The following MYO3B variants were observed in gnomAD, a reference collection of about 807,000 sequenced individuals.
The protein encoded by MYO3B is myosin IIIB.
Under a neutral mutation model 174.6 loss-of-function variants are expected in MYO3B, and 156 were observed. The ratio of observed to expected loss-of-function variants is 0.89; its 90% CI spans 0.78 to 1.02. The LOEUF (loss-of-function observed/expected upper bound fraction) is 1.02. MYO3B is among the 50% of genes least tolerant of loss of function. MYO3B has a pLI of 0.00. For missense variants in MYO3B, 1,632 were observed against 1,639.4 expected (o/e 1.00, Z 0.08); for synonymous variants, 563 against 569.1 (o/e 0.99, Z 0.15).
At chr2:170,635,992 G>A (rs899389438) in intron 32 of MYO3B, among the ~76,000 whole-genome samples, 2 of 152,174 alleles carry the variant, frequency 1.3e-5, no homozygotes, top group African/African-American at 4.8e-5. Context: ...TGATCAGCTT[G>A]AACACAGGTT....
At chr2:170,423,122 C>T (rs2094631066) in intron 22 of MYO3B, among the ~76,000 whole-genome samples, 1 of 151,806 alleles carries the variant, frequency 6.6e-6, no homozygotes, top group East Asian at 2.0e-4. Context: ...GCTGAGATTA[C>T]AGGTGCCCAC....
chr2:170,181,943 TC>T (rs1191420174), intron 1 of MYO3B, among the ~76,000 whole-genome samples: 33 of 152,130 alleles, frequency 2.2e-4, no homozygotes, highest in African/African-American at 7.2e-4. Flanking sequence ...ACAAATGGTA[TC>T]TCATTAGTTT....
chr2:170,559,254 A>T (rs1691552031), intron 32 of MYO3B, among the ~76,000 whole-genome samples: 1 of 152,220 alleles, frequency 6.6e-6, no homozygotes, highest in African/African-American at 2.4e-5. Flanking sequence ...TTAAGGGCTC[A>T]TTGGATGGCC....
At chr2:170,335,293 G>C (rs866735947) in intron 7 of MYO3B, 92 bp from the exon 8 acceptor site, 2 of 935,302 alleles carry the variant, frequency 2.1e-6, no homozygotes, top group Non-Finnish European at 3.3e-6. Context: ...TTTTATTAGA[G>C]CTATTTAGAA....
intron 25 of MYO3B, among the ~76,000 whole-genome samples, chr2:170,495,809 C>T (rs1379869926): frequency 6.6e-6 from 1 of 152,204 alleles, no homozygotes; most frequent in Non-Finnish European, 1.5e-5. Context: ...ATAGGAAATC[C>T]TGATTTTACC....
chr2:170,318,724 T>C (rs1196627686), intron 7 of MYO3B, among the ~76,000 whole-genome samples: 2 of 152,190 alleles, frequency 1.3e-5, no homozygotes, highest in Non-Finnish European at 2.9e-5. Context: ...GCTGTGGTGC[T>C]GTAATTCTGA....
intron 23 of MYO3B, among the ~76,000 whole-genome samples, chr2:170,459,870 A>G (rs1210063185): frequency 4.6e-5 from 7 of 152,088 alleles, no homozygotes; most frequent in Non-Finnish European, 1.0e-4. Flanking sequence ...TGGCCCAGAT[A>G]CTAAGCCCCT....
At chr2:170,362,453 G>T (rs1280108276) in intron 8 of MYO3B, among the ~76,000 whole-genome samples, 1 of 152,190 alleles carries the variant, frequency 6.6e-6, no homozygotes, top group Non-Finnish European at 1.5e-5. Flanking sequence ...GATGGCAGCT[G>T]CCCTGTCGTC....
chr2:170,178,688 CCAAAT>C (rs1019616783), intron 1 of MYO3B, among the ~76,000 whole-genome samples: 14 of 152,200 alleles, frequency 9.2e-5, no homozygotes, highest in Middle Eastern at 3.4e-3. Context: ...CAGCTTGAGG[CCAAAT>C]TGAAGGGCAT....
At chr2:170,602,257 A>ACAGT in intron 32 of MYO3B, 1 of 829,272 alleles carries the variant, frequency 1.2e-6, no homozygotes, top group Non-Finnish European at 2.1e-6. Context: ...AGCGAGGCAC[A>ACAGT]CAGTCACCCA....
chr2:170,400,179 C>T lies in MYO3B; in HGVS notation c.1792-9C>T, dbSNP rs1261967431. 6.2e-7 allele frequency: 1 copy of T among 1,613,866 alleles called. No individual in the cohort carries two copies. The highest frequency in any genetic ancestry group is 1.7e-5 in the Admixed American group (1 of 60,000). On this transcript the variant is annotated splice_polypyrimidine_tract_variant and intron_variant, in intron 16 of 34. Coordinates refer to ENST00000408978, the MANE Select transcript of MYO3B (RefSeq NM_138995.5). ...GACCTTCATATATGGTTCTTGATGT[C>T]CTTTTCAGGAGGTGCACTCAGTGTA... is the stretch of plus-strand genomic sequence containing the variant.
chr2:170,638,785 T>C (rs1697730315), intron 32 of MYO3B, among the ~76,000 whole-genome samples: 1 of 152,196 alleles, frequency 6.6e-6, no homozygotes, highest in Admixed American at 6.5e-5. Context: ...ATGTTCTCCA[T>C]TAAAAATTAC....
chr2:170,280,232 C>A (rs2093497804), intron 7 of MYO3B, among the ~76,000 whole-genome samples: 2 of 152,118 alleles, frequency 1.3e-5, no homozygotes, highest in South Asian at 4.1e-4. Context: ...AGCTTTTTTT[C>A]ATATGATTAT....
chr2:170,399,098 C>T (rs13030455), intron 16 of MYO3B, among the ~76,000 whole-genome samples: 35,359 of 151,584 alleles, frequency 0.23, 4,579 homozygotes, highest in Non-Finnish European at 0.3. Flanking sequence ...CAAAATTGGC[C>T]GGGCGTGGTA....
chr2:170,501,097 C>T (rs916512269), intron 27 of MYO3B, among the ~76,000 whole-genome samples: 88 of 98,656 alleles, frequency 8.9e-4, no homozygotes, highest in African/African-American at 2.9e-3. Context: ...GGAACAAAGA[C>T]ATTATGCTCC....
chr2:170,500,706 A>G (rs1296939357), intron 27 of MYO3B, among the ~76,000 whole-genome samples: 1 of 152,172 alleles, frequency 6.6e-6, no homozygotes, highest in African/African-American at 2.4e-5. Context: ...TCACACAGAT[A>G]TGTGCCGCAT....
intron 7 of MYO3B, among the ~76,000 whole-genome samples, chr2:170,272,048 A>ATGTCCCTCT (rs1286497572): frequency 1.3e-5 from 2 of 149,512 alleles, no homozygotes; most frequent in Non-Finnish European, 3.0e-5. Context: ...TAACCCAGTG[A>ATGTCCCTCT]TGTCCCTCTT....
intron 7 of MYO3B, among the ~76,000 whole-genome samples, chr2:170,286,239 G>A (rs946154617): frequency 4.6e-5 from 7 of 152,286 alleles, no homozygotes; most frequent in African/African-American, 1.2e-4. Context: ...AGGTTTCTCC[G>A]TTGCTCTGTT....
chr2:170,576,411 T>C (rs953528106), intron 32 of MYO3B, among the ~76,000 whole-genome samples: 1 of 152,174 alleles, frequency 6.6e-6, no homozygotes. Flanking sequence ...AGAATGAAGA[T>C]CTGTTGCTGT....
Sources: allele counts gnomAD v4.1 joint callset (sites outside exome capture counted in the v4.1 genomes callset), GRCh38; gene constraint gnomAD v4.1.1; transcripts MANE v1.5; gene names NCBI Gene and HGNC (gene_info 2026-07-23, HGNC 2026-07-21).